The following RNGTT variants were observed in gnomAD, a reference collection of about 807,000 sequenced individuals.
The protein encoded by RNGTT is mRNA-capping enzyme.
RNGTT carries 33 observed loss-of-function variants against 79.3 expected under a neutral mutation model. The observed-to-expected ratio is 0.42, with a 90% CI of 0.32 to 0.56. The LOEUF is 0.56. Ranked by LOEUF, RNGTT falls within the 20% of genes least tolerant of loss-of-function variation. RNGTT has a pLI of 0.17. For missense variants in RNGTT, 497 were observed against 739.1 expected (o/e 0.67, Z 3.80); for synonymous variants, 222 against 235.9 (o/e 0.94, Z 0.54).
chr6:88,807,105 A>G (rs922737715), intron 11 of RNGTT, among the ~76,000 whole-genome samples: 1 of 152,146 alleles, frequency 6.6e-6, no homozygotes, highest in South Asian at 2.1e-4. Context: ...GCATGGGGAG[A>G]GGGAGAGCAT....
chr6:88,637,435 G>A (rs1386778515), intron 14 of RNGTT, among the ~76,000 whole-genome samples: 1 of 152,004 alleles, frequency 6.6e-6, no homozygotes, highest in African/African-American at 2.4e-5. Context: ...GGTTACTTAT[G>A]AACTAAAACC....
chr6:88,963,437 C>A lies in RNGTT; in HGVS notation c.-28G>T. ...CTTGGGGCTGCGCAGAGCTGCCCTC[C>A]CTCACCAACGTTCACCGCGCCTTTG... On this transcript the variant is annotated 5_prime_UTR_variant, in exon 1 of 16. Coordinates refer to ENST00000369485, the MANE Select transcript of RNGTT (RefSeq NM_003800.5). 1 of 1,537,314 alleles carries A rather than the reference C, an allele frequency of 6.5e-7. No individual in the cohort carries two copies. Among genetic ancestry groups the A allele is most frequent in the Non-Finnish European group, 8.8e-7 (1 of 1,137,922 alleles).
At chr6:88,613,097 C>T (rs546903338) in intron 15 of RNGTT, among the ~76,000 whole-genome samples, 25 of 152,308 alleles carry the variant, frequency 1.6e-4, no homozygotes, top group African/African-American at 6.0e-4. Flanking sequence ...TAATTTTAAA[C>T]CAAAACTTTA....
chr6:88,857,851 T>C (rs1781889453), intron 8 of RNGTT, among the ~76,000 whole-genome samples: 2 of 152,176 alleles, frequency 1.3e-5, no homozygotes, highest in African/African-American at 4.8e-5. Flanking sequence ...CTCATTAAGC[T>C]TTTCTGTACT....
intron 13 of RNGTT, among the ~76,000 whole-genome samples, chr6:88,762,905 C>T (rs954990435): frequency 6.6e-6 from 1 of 151,708 alleles, no homozygotes; most frequent in Non-Finnish European, 1.5e-5. Context: ...CCACTACAGT[C>T]GTCTAAATGA....
At chr6:88,843,650 C>T (rs1443233571) in intron 11 of RNGTT, among the ~76,000 whole-genome samples, 1 of 135,776 alleles carries the variant, frequency 7.4e-6, no homozygotes, top group Non-Finnish European at 1.5e-5. Flanking sequence ...CCTCCACCTT[C>T]TGAGTTCAAG....
chr6:88,950,114 A>G (rs1785191840), intron 1 of RNGTT, among the ~76,000 whole-genome samples: 2 of 152,216 alleles, frequency 1.3e-5, no homozygotes. Context: ...ACGAACAACA[A>G]AAGCCTGGAT....
chr6:88,920,905 G>A (rs1027385753), intron 4 of RNGTT, among the ~76,000 whole-genome samples: 1 of 151,912 alleles, frequency 6.6e-6, no homozygotes, highest in African/African-American at 2.4e-5. Context: ...TTATATTCCC[G>A]GCAGTGATTC....
intron 2 of RNGTT, among the ~76,000 whole-genome samples, chr6:88,936,282 T>C (rs1302997508): frequency 6.6e-6 from 1 of 152,172 alleles, no homozygotes; most frequent in Non-Finnish European, 1.5e-5. Flanking sequence ...ATCTCAGAGT[T>C]TTCTGGTGGA....
chr6:88,866,721 G>A (rs1373665355), intron 8 of RNGTT, among the ~76,000 whole-genome samples: 1 of 152,068 alleles, frequency 6.6e-6, no homozygotes, highest in African/African-American at 2.4e-5. Flanking sequence ...CAATAAGGAT[G>A]GAAGAGAAAA....
intron 14 of RNGTT, among the ~76,000 whole-genome samples, chr6:88,669,491 C>T (rs1283732396): frequency 1.3e-5 from 2 of 152,216 alleles, no homozygotes; most frequent in Non-Finnish European, 2.9e-5. Context: ...AAAGACTTCA[C>T]CATCCCCGTA....
chr6:88,814,840 T>G (rs1451152576), intron 11 of RNGTT, among the ~76,000 whole-genome samples: 1 of 152,112 alleles, frequency 6.6e-6, no homozygotes, highest in African/African-American at 2.4e-5. Context: ...TAAGGGAAAA[T>G]CATTTATTTG....
intron 8 of RNGTT, among the ~76,000 whole-genome samples, chr6:88,867,486 AAAG>A (rs1274589865): frequency 6.6e-6 from 1 of 152,186 alleles, no homozygotes; most frequent in Non-Finnish European, 1.5e-5. Context: ...CCATCTCAAA[AAAG>A]AAAAAGAGAG....
chr6:88,892,347 A>C (rs899757396), intron 6 of RNGTT, among the ~76,000 whole-genome samples: 2 of 152,112 alleles, frequency 1.3e-5, no homozygotes, highest in Non-Finnish European at 2.9e-5. Flanking sequence ...ACAGGCCTAC[A>C]CTATACCAAC....
intron 13 of RNGTT, among the ~76,000 whole-genome samples, chr6:88,761,198 A>G (rs1778228411): frequency 6.6e-6 from 1 of 152,084 alleles, no homozygotes; most frequent in Non-Finnish European, 1.5e-5. Context: ...TTAACAAACC[A>G]GAACCTTCTG....
chr6:88,713,287 T>C (rs1475172527), intron 13 of RNGTT, among the ~76,000 whole-genome samples: 4 of 152,154 alleles, frequency 2.6e-5, no homozygotes, highest in Non-Finnish European at 5.9e-5. Context: ...GACCAGAACC[T>C]GACCATGCTG....
chr6:88,908,095 T>A (rs1049673312), intron 4 of RNGTT, among the ~76,000 whole-genome samples: 1 of 152,176 alleles, frequency 6.6e-6, no homozygotes, highest in African/African-American at 2.4e-5. Flanking sequence ...ATCATACTGA[T>A]ACAGTGCAAC....
intron 13 of RNGTT, among the ~76,000 whole-genome samples, chr6:88,707,369 C>G (rs1270268514): frequency 3.3e-5 from 4 of 119,760 alleles, no homozygotes. Context: ...AAATCACATG[C>G]AATTTGGAGT....
chr6:88,765,433 G>A (rs1039112219), intron 13 of RNGTT, among the ~76,000 whole-genome samples: 1 of 151,968 alleles, frequency 6.6e-6, no homozygotes, highest in African/African-American at 2.4e-5. Flanking sequence ...GTTTTATGCT[G>A]AATTTACATG....
Sources: gnomAD v4.1 joint callset for allele counts (sites outside exome capture counted in the v4.1 genomes callset) on GRCh38, gnomAD v4.1.1 for gene constraint, MANE v1.5 for transcripts, NCBI Gene and HGNC (gene_info 2026-07-23, HGNC 2026-07-21) for gene names.